Variants in INPP5D observed in about 807,000 individuals in gnomAD.
INPP5D encodes the protein inositol polyphosphate-5-phosphatase D.
INPP5D carries 33 observed loss-of-function variants against 122.9 expected under a neutral mutation model. That is an observed-to-expected ratio of 0.27 (90% CI 0.20 to 0.36). The LOEUF is 0.36. Among genes scored for constraint, INPP5D ranks in the 10% least tolerant of loss-of-function variants. The probability of loss-of-function intolerance (pLI) is 1.00; values close to 1 mark genes in which losing one functional copy is unlikely to be tolerated. For synonymous variants in INPP5D, 584 were observed against 576.2 expected (o/e 1.01, Z -0.19); for missense variants, 1,053 against 1,412.7 (o/e 0.75, Z 4.08).
chr2:233,120,053 C>G (rs193057878), intron 2 of INPP5D, among the ~76,000 whole-genome samples: 1 of 152,352 alleles, frequency 6.6e-6, no homozygotes, highest in African/African-American at 2.4e-5. Flanking sequence ...CTCCATTCTA[C>G]TTGCCTGTGG....
chr2:233,076,284 A>C (rs1691518809), intron 1 of INPP5D: 1 of 152,252 alleles, frequency 6.6e-6, no homozygotes, highest in Admixed American at 6.5e-5. Flanking sequence ...TTTGTCTGGC[A>C]GGCTCTGCAA....
chr2:233,187,463 G>T (rs747129796), intron 21 of INPP5D, among the ~76,000 whole-genome samples: 1 of 152,222 alleles, frequency 6.6e-6, no homozygotes, highest in Non-Finnish European at 1.5e-5. Flanking sequence ...ACAGTCTTAA[G>T]CAGGCAGAGG....
At position 233,183,606 on chromosome 2, in the gene INPP5D, G is replaced by A. The variant is rs74843215; in HGVS notation, c.2162-802G>A. 9.1e-3 allele frequency among the ~76,000 whole-genome samples: 1,392 copies of A among 152,220 alleles called. 43 individuals carry two copies. The highest frequency in any genetic ancestry group is 0.061 in the Admixed American group (929 of 15,290). ...CCCTTGCCATCTCCTCCTCTATTCC[G>A]GGGTAGGGCATCCTCCATGTCAGGC... is the stretch of plus-strand genomic sequence containing the variant. On this transcript the variant is annotated intron_variant, in intron 19 of 26. Transcript: ENST00000445964. This position sits in a 1 kb window ranked among gnomAD's most constrained non-coding sequence, Gnocchi z 4.6.
chr2:233,140,047 C>A, intron 6 of INPP5D, 118 bp downstream of exon 6: 1 of 390,140 alleles, frequency 2.6e-6, no homozygotes, highest in Non-Finnish European at 4.5e-6. Context: ...GTTCACTGGG[C>A]AACAGCAAGC....
intron 5 of INPP5D, among the ~76,000 whole-genome samples, chr2:233,134,520 C>G (rs58884803): frequency 0.47 from 71,590 of 151,872 alleles, 17,330 homozygotes; most frequent in African/African-American, 0.55. Flanking sequence ...AGTGCCAGAG[C>G]CTCCTCTGCA....
chr2:233,107,024 C>T (rs1692484550), intron 2 of INPP5D, among the ~76,000 whole-genome samples: 2 of 152,338 alleles, frequency 1.3e-5, no homozygotes, highest in East Asian at 1.9e-4. Context: ...ATGGGCCTGA[C>T]TCCCATGGCA....
At chr2:233,137,715 GA>G (rs1693503879) in intron 5 of INPP5D, among the ~76,000 whole-genome samples, 1 of 147,536 alleles carries the variant, frequency 6.8e-6, no homozygotes, top group Non-Finnish European at 1.5e-5. Context: ...TGGCCTCCCA[GA>G]GTGCTGAGAT....
Position 233,204,535 on chromosome 2 carries a change from A to G in INPP5D, c.3385A>G (p.Ile1129Val), listed in dbSNP as rs1432339394. 1 of 1,578,952 alleles carries G rather than the reference A, an allele frequency of 6.3e-7. No individual in the cohort carries two copies. The highest frequency in any genetic ancestry group is 8.6e-7 in the Non-Finnish European group (1 of 1,164,038). The change falls in exon 26 of 27, where the codon ATC (isoleucine) becomes GTC (valine). Residue 1129 changes from isoleucine (I) to valine (V), a missense_variant. Transcript: ENST00000445964. ...KRPIKPSRSE[I>V]NQQTPPTPTP... ...GCCCATCAAGCCTTCCAGATCGGAA[A>G]TCAACCAGCAGACCCCGCCCACCCC...
intron 2 of INPP5D, among the ~76,000 whole-genome samples, chr2:233,099,038 G>A (rs1263348277): frequency 2.0e-5 from 3 of 151,960 alleles, no homozygotes; most frequent in Admixed American, 1.3e-4. Flanking sequence ...TGCAACGTCC[G>A]CCTCCTTGTT....
At position 233,060,416 on chromosome 2, in the gene INPP5D, C is replaced by T. The variant is rs57146050; in HGVS notation, c.-63C>T. 324 of 1,505,808 alleles carry T rather than the reference C, an allele frequency of 2.2e-4. 2 individuals are homozygous for T. In the African/African-American group the frequency reaches 4.3e-3, roughly 20 times the overall value. 93.3% of individuals were successfully genotyped at this position (1,505,808 alleles called of 1,614,324 possible). A position where few individuals can be genotyped will look rare whatever the true frequency, so the allele number is the denominator to read the frequency against. On this transcript the variant is annotated 5_prime_UTR_variant, in exon 1 of 27. Transcript: ENST00000445964. ...GGTTGCAGTGGAGGGGCCTCCGCTC[C>T]CCTCGGTGGTGTGTGGGTCCTGGGG...
At chr2:233,162,986 G>A (rs71421686) in intron 11 of INPP5D, among the ~76,000 whole-genome samples, 3 of 152,210 alleles carry the variant, frequency 2.0e-5, no homozygotes, top group Admixed American at 6.5e-5. Context: ...TGCCGCAGGA[G>A]GGCCGGGGAC....
Position 233,128,539 on chromosome 2 carries a change from G to A in INPP5D, c.525-1969G>A, listed in dbSNP as rs969820930. 2.0e-5 allele frequency among the ~76,000 whole-genome samples: 3 copies of A among 152,062 alleles called. No homozygotes were observed. Among genetic ancestry groups the A allele is most frequent in the Admixed American group, 6.5e-5 (1 of 15,272 alleles). On this transcript the variant is annotated intron_variant, in intron 4 of 26. Transcript: ENST00000445964. This position sits in a 1 kb window ranked among gnomAD's most constrained non-coding sequence, Gnocchi z 4.5. Reference sequence around the variant, plus strand: ...GTCACCCAAGCTGGAACACAGTGGCGCGATCTCGGCTCACTGCAACCTCTA... The same window carrying A: ...GTCACCCAAGCTGGAACACAGTGGCACGATCTCGGCTCACTGCAACCTCTA...
intron 2 of INPP5D, among the ~76,000 whole-genome samples, chr2:233,107,453 C>T (rs1692498593): frequency 6.6e-6 from 1 of 152,128 alleles, no homozygotes; most frequent in Non-Finnish European, 1.5e-5. Context: ...AGGCAACAGG[C>T]TCAGGTCTTT....
intron 24 of INPP5D, 77 bp downstream of exon 24, chr2:233,195,572 T>A: frequency 6.3e-7 from 1 of 1,597,314 alleles, no homozygotes; most frequent in Non-Finnish European, 8.5e-7. Context: ...TTTGGCCGGG[T>A]GCGATGGTTC....
At chr2:233,087,985 T>G (rs551063442) in intron 2 of INPP5D, among the ~76,000 whole-genome samples, 1 of 152,260 alleles carries the variant, frequency 6.6e-6, no homozygotes, top group African/African-American at 2.4e-5. Context: ...TCCTCATTTT[T>G]TTTTTCTTGA....
At chr2:233,179,546 C>T (rs1694731687) in intron 18 of INPP5D, among the ~76,000 whole-genome samples, 1 of 152,214 alleles carries the variant, frequency 6.6e-6, no homozygotes, top group Non-Finnish European at 1.5e-5. Flanking sequence ...GCAGGAAGGA[C>T]ACCCTTTGCC....
chr2:233,186,033 C>A (rs1178811195), intron 21 of INPP5D, 108 bp downstream of exon 21: 11 of 1,331,410 alleles, frequency 8.3e-6, no homozygotes, highest in South Asian at 2.3e-5. Flanking sequence ...AAGCAGGAAT[C>A]TCATAGACCA....
rs536663449 is a variant in INPP5D, at chr2:233,107,881, C to A, written c.199-14226C>A. On this transcript the variant is annotated intron_variant, in intron 2 of 26. Transcript: ENST00000445964. ...CCTTAAGCTTGGGCCTCTTCCCCAG[C>A]GCTGCCACGGCACTCCCTTCTGCAC... 6.6e-5 allele frequency among the ~76,000 whole-genome samples: 10 copies of A among 152,250 alleles called. No homozygotes were observed. The East Asian group carries it at 1.9e-3, about 29-fold the overall frequency.
chr2:233,136,294 A>G (rs1483773429), intron 5 of INPP5D, among the ~76,000 whole-genome samples: 2 of 152,284 alleles, frequency 1.3e-5, no homozygotes, highest in South Asian at 2.1e-4. Flanking sequence ...CCTGGCCAAC[A>G]TGGTGAAATT....
Sources: allele counts gnomAD v4.1 joint callset (sites outside exome capture counted in the v4.1 genomes callset), GRCh38; gene constraint gnomAD v4.1.1; non-coding constraint Gnocchi (gnomAD v3.1); transcripts MANE v1.5; gene names NCBI Gene and HGNC (gene_info 2026-07-23, HGNC 2026-07-21).